MAPK10: variants seen among roughly 807,000 people sequenced by gnomAD.
MAPK10 encodes JNK3 alpha protein kinase.
Under a neutral mutation model 59.3 loss-of-function variants are expected in MAPK10, and 25 were observed. That is an observed-to-expected ratio of 0.42 (90% CI 0.31 to 0.59). MAPK10 has a LOEUF of 0.59. Ranked by LOEUF, MAPK10 falls within the 20% of genes least tolerant of loss-of-function variation. The probability of loss-of-function intolerance (pLI) is 0.15; values close to 1 mark genes in which losing one functional copy is unlikely to be tolerated. For missense variants in MAPK10, 351 were observed against 568.9 expected (o/e 0.62, Z 3.90); for synonymous variants, 190 against 200.5 (o/e 0.95, Z 0.44).
At chr4:86,581,121 G>A (rs1401835162) in intron 1 of MAPK10, among the ~76,000 whole-genome samples, 3 of 152,050 alleles carry the variant, frequency 2.0e-5, no homozygotes, top group African/African-American at 7.2e-5. Flanking sequence ...TCTATTTCAA[G>A]TGAAAAATTA....
At chr4:86,591,192 A>C (rs1298408089) in intron 1 of MAPK10, among the ~76,000 whole-genome samples, 1 of 152,092 alleles carries the variant, frequency 6.6e-6, no homozygotes, top group East Asian at 1.9e-4. Flanking sequence ...CTAAAGTGCT[A>C]GGATTACAGG....
chr4:86,172,590 G>A (rs2074546056), intron 3 of MAPK10, among the ~76,000 whole-genome samples: 1 of 150,550 alleles, frequency 6.6e-6, no homozygotes, highest in Non-Finnish European at 1.5e-5. Context: ...GGGGGGAGTG[G>A]GGAGGGATAG....
At chr4:86,259,451 T>C (rs116951071) in intron 2 of MAPK10, among the ~76,000 whole-genome samples, 1,553 of 152,242 alleles carry the variant, frequency 0.01, 20 homozygotes, top group East Asian at 0.055. Context: ...TGTAAAGTAC[T>C]ATTTCTAAGT....
At chr4:86,077,497 A>C (rs1487988428) in intron 9 of MAPK10, among the ~76,000 whole-genome samples, 1 of 152,214 alleles carries the variant, frequency 6.6e-6, no homozygotes, top group Non-Finnish European at 1.5e-5. Context: ...AAGCCTTCAG[A>C]ACTTACTAAG....
At chr4:86,572,935 T>A (rs1426205140) in intron 1 of MAPK10, among the ~76,000 whole-genome samples, 1 of 152,216 alleles carries the variant, frequency 6.6e-6, no homozygotes, top group Non-Finnish European at 1.5e-5. Context: ...TCTGGATATC[T>A]TCTTTAGTAA....
chr4:86,101,378 C>G, intron 7 of MAPK10, 161 bp from the exon 8 acceptor site: 1 of 529,018 alleles, frequency 1.9e-6, no homozygotes, highest in East Asian at 2.9e-5. Context: ...AATAAGTTAA[C>G]TATTAGTTTT....
chr4:86,298,520 T>C lies in MAPK10; in HGVS notation c.-7+56010A>G, dbSNP rs139209977. On this transcript the variant is annotated intron_variant, in intron 2 of 13. Transcript: ENST00000641462. Reference sequence around the variant, plus strand: ...AGTTCCTGATGATGCCTTCACTCTTTGCAGACAATGCCACAAGCACTTGAA... The same window carrying C: ...AGTTCCTGATGATGCCTTCACTCTTCGCAGACAATGCCACAAGCACTTGAA... Among the ~76,000 whole-genome samples, 653 of 152,284 alleles carry C rather than the reference T, an allele frequency of 4.3e-3. 5 individuals are homozygous for C. The highest frequency in any genetic ancestry group is 0.015 in the African/African-American group (619 of 41,548).
intron 1 of MAPK10, among the ~76,000 whole-genome samples, chr4:86,444,515 A>G (rs1289378495): frequency 6.6e-6 from 1 of 152,196 alleles, no homozygotes; most frequent in Non-Finnish European, 1.5e-5. Context: ...AAGGGCAAAG[A>G]TTTTATGACA....
intron 4 of MAPK10, chr4:86,127,613 T>A (rs1289400190): frequency 6.6e-6 from 1 of 152,098 alleles, no homozygotes; most frequent in Admixed American, 6.6e-5. Flanking sequence ...ATGTTTCTCC[T>A]GTGGCTTTGA....
chr4:86,234,455 G>C (rs1374869316), intron 2 of MAPK10, among the ~76,000 whole-genome samples: 3 of 151,790 alleles, frequency 2.0e-5, no homozygotes, highest in African/African-American at 7.3e-5. Context: ...TTCCTTATTA[G>C]GTATTTGGTT....
At chr4:86,303,896 A>G (rs1435576864) in intron 2 of MAPK10, among the ~76,000 whole-genome samples, 1 of 152,174 alleles carries the variant, frequency 6.6e-6, no homozygotes, top group African/African-American at 2.4e-5. Flanking sequence ...AACTTCTACC[A>G]CTACGAAATC....
At chr4:86,409,098 C>T (rs1020293290) in intron 1 of MAPK10, among the ~76,000 whole-genome samples, 1 of 152,266 alleles carries the variant, frequency 6.6e-6, no homozygotes, top group South Asian at 2.1e-4. Flanking sequence ...AGGAAGGGAT[C>T]CAGTTTCAGC....
chr4:86,505,826 A>G (rs1271091888), intron 1 of MAPK10, among the ~76,000 whole-genome samples: 15 of 152,126 alleles, frequency 9.9e-5, no homozygotes, highest in Admixed American at 9.8e-4. Context: ...AAATTTCTTT[A>G]GGTCATGAAC....
chr4:86,393,622 C>CT (rs975514495), intron 1 of MAPK10, among the ~76,000 whole-genome samples: 7 of 152,056 alleles, frequency 4.6e-5, no homozygotes, highest in African/African-American at 1.7e-4. Flanking sequence ...ATATTTTTAG[C>CT]TTTTTTTAAA....
chr4:86,583,204 T>C (rs1358532716), intron 1 of MAPK10, among the ~76,000 whole-genome samples: 1 of 152,172 alleles, frequency 6.6e-6, no homozygotes, highest in Middle Eastern at 3.2e-3. Context: ...TTTGTATTTT[T>C]AGTAGAGACG....
At chr4:86,492,268 A>G (rs769696083) in intron 1 of MAPK10, among the ~76,000 whole-genome samples, 42 of 152,238 alleles carry the variant, frequency 2.8e-4, no homozygotes, top group Non-Finnish European at 5.9e-5. Context: ...ACACCAGCAG[A>G]CAATTCAGTA....
intron 2 of MAPK10, among the ~76,000 whole-genome samples, chr4:86,220,828 A>G (rs1475649319): frequency 6.6e-6 from 1 of 152,126 alleles, no homozygotes; most frequent in African/African-American, 2.4e-5. Context: ...TATCTCATTT[A>G]TTTCTGTCCC....
chr4:86,107,435 A>T (rs999543274), intron 4 of MAPK10, 83 bp from the exon 5 acceptor site: 2 of 1,519,024 alleles, frequency 1.3e-6, no homozygotes, highest in Admixed American at 2.1e-5. Context: ...ATACTGGTAA[A>T]GAAAATGCTA....
rs549710039 is a variant in MAPK10 at position 86,556,250 on chromosome 4, T to C, written c.-263+37660A>G. On this transcript the variant is annotated intron_variant, in intron 1 of 4. Coordinates refer to the MAPK10 transcript ENST00000502302. ...ATGAAATTTGAGAAAATATGAGTTATCTATATCAGGTACCCTAGTAAATCA... is the reference window on the plus strand; with the variant it reads ...ATGAAATTTGAGAAAATATGAGTTACCTATATCAGGTACCCTAGTAAATCA... Among the ~76,000 whole-genome samples the C allele has an allele frequency of 2.8e-3, 429 of 152,332 alleles. 1 individual carries two copies. Among genetic ancestry groups the C allele is most frequent in the Non-Finnish European group, 4.7e-3 (318 of 68,016 alleles).
Sources: gnomAD v4.1 joint callset for allele counts (sites outside exome capture counted in the v4.1 genomes callset) on GRCh38, gnomAD v4.1.1 for gene constraint, MANE v1.5 for transcripts, NCBI Gene and HGNC (gene_info 2026-07-23, HGNC 2026-07-21) for gene names.